Variants in EMILIN2 observed in about 807,000 individuals in gnomAD.
EMILIN2 encodes elastin microfibril interfacer 2.
EMILIN2 carries 71 observed loss-of-function variants against 87.1 expected under a neutral mutation model. The observed-to-expected ratio is 0.82, with a 90% CI of 0.67 to 0.99. The LOEUF is 0.99. Among genes scored for constraint, EMILIN2 ranks in the 50% least tolerant of loss-of-function variants. EMILIN2 has a pLI of 0.00. For synonymous variants in EMILIN2, 581 were observed against 563.4 expected (o/e 1.03, Z -0.44); for missense variants, 1,407 against 1,371.8 (o/e 1.03, Z -0.40).
intron 3 of EMILIN2, among the ~76,000 whole-genome samples, chr18:2,886,233 A>G (rs1435185530): frequency 6.6e-6 from 1 of 152,240 alleles, no homozygotes. Context: ...CCCTGACTTC[A>G]TGGAAGGCAG....
At chr18:2,888,499 A>G (rs1392214250) in intron 3 of EMILIN2, among the ~76,000 whole-genome samples, 2 of 152,040 alleles carry the variant, frequency 1.3e-5, no homozygotes, top group African/African-American at 4.8e-5. Flanking sequence ...GTGGATCACA[A>G]GGTCAGGAGA....
At chr18:2,852,027 G>T (rs2076604192) in intron 2 of EMILIN2, among the ~76,000 whole-genome samples, 1 of 152,174 alleles carries the variant, frequency 6.6e-6, no homozygotes, top group African/African-American at 2.4e-5. Flanking sequence ...AATGCAGAAT[G>T]TGCCTGTTTG....
rs1237015176 is a variant in EMILIN2 at position 2,858,581 on chromosome 18, GTGTATA to G, written c.257+10652_257+10657del. On this transcript the variant is annotated intron_variant, in intron 2 of 7. Coordinates refer to ENST00000254528, the MANE Select transcript of EMILIN2 (RefSeq NM_032048.3). ...TATATATATATATATGTGTGTGTGT[GTGTATA>G]TATATATATATATATGTGTATATAT... 6.1e-3 allele frequency among the ~76,000 whole-genome samples: 395 copies of G among 64,792 alleles called. 47 individuals are homozygous for G. Among genetic ancestry groups the G allele is most frequent in the African/African-American group, 0.034 (362 of 10,690 alleles). The allele number at this position is 64,792 out of a possible 152,430, so 42.5% of individuals were successfully genotyped here.
chr18:2,866,488 ACTTTTGGTGTATACG>A (rs1337973153), intron 2 of EMILIN2, among the ~76,000 whole-genome samples: 2 of 152,168 alleles, frequency 1.3e-5, no homozygotes, highest in African/African-American at 4.8e-5. Flanking sequence ...CAGCTTGGTC[ACTTTTGGTGTATACG>A]CTTTTGGTGT....
In EMILIN2 at chr18:2,848,151, C is replaced by T. The variant is rs1469012002; in HGVS notation, c.257+220C>T. Among the ~76,000 whole-genome samples, 1 of 152,204 alleles carries T rather than the reference C, an allele frequency of 6.6e-6. No homozygotes were observed. On this transcript the variant is annotated intron_variant, in intron 2 of 7. Coordinates refer to ENST00000254528, the MANE Select transcript of EMILIN2 (RefSeq NM_032048.3). This position sits in a 1 kb window ranked among gnomAD's most constrained non-coding sequence, Gnocchi z 4.1. The stretch of plus-strand genomic sequence containing the variant: ...CGAGTGAGTGGGGAGGATGCGCGCG[C>T]CTCGGGAGTGTGGGGTCGCGGGGGC...
chr18:2,853,993 T>A (rs2076614445), intron 2 of EMILIN2, among the ~76,000 whole-genome samples: 1 of 152,166 alleles, frequency 6.6e-6, no homozygotes, highest in South Asian at 2.1e-4. Context: ...CTCAGCCTGA[T>A]GGTTTTAGTA....
In EMILIN2 at chr18:2,913,558, T is replaced by C. The variant is rs1461678807; in HGVS notation, c.*154T>C. The C allele has an allele frequency of 1.6e-6, 1 of 620,544 alleles. No homozygotes were observed. The highest frequency in any genetic ancestry group is 2.7e-6 in the Non-Finnish European group (1 of 364,598). The allele number at this position is 620,544 out of a possible 1,614,324, so 38.4% of individuals were successfully genotyped here. ...CCTCGCTGTTGAGGCCACCATGCCTTACTGCATCCAGCCAGGCTGCAGGGA... is the reference window on the plus strand; with the variant it reads ...CCTCGCTGTTGAGGCCACCATGCCTCACTGCATCCAGCCAGGCTGCAGGGA... On this transcript the variant is annotated 3_prime_UTR_variant, in exon 8 of 8. Transcript: ENST00000254528.
chr18:2,909,534 C>G (rs2076931027), intron 6 of EMILIN2, among the ~76,000 whole-genome samples, 157 bp from the exon 7 acceptor site: 1 of 152,232 alleles, frequency 6.6e-6, no homozygotes, highest in Non-Finnish European at 1.5e-5. Context: ...ACAGGGAACC[C>G]TCTGGCTGTT....
At chr18:2,895,185 C>T (rs1424031890) in intron 4 of EMILIN2, among the ~76,000 whole-genome samples, 1 of 151,864 alleles carries the variant, frequency 6.6e-6, no homozygotes. Flanking sequence ...GCATGAGCCA[C>T]CTTGAGTGTT....
chr18:2,913,639 TGG>T lies in EMILIN2; in HGVS notation c.*236_*237del. The T allele has an allele frequency of 2.1e-6, 1 of 483,974 alleles. No individual in the cohort carries two copies. Among genetic ancestry groups the T allele is most frequent in the Non-Finnish European group, 3.7e-6 (1 of 273,452 alleles). 30.0% of individuals were successfully genotyped at this position (483,974 alleles called of 1,614,324 possible). ...TTTTCTGCCACTCTAACTGGACAAC[TGG>T]AAGACTTGGAAAGGCCTCCACCTGT... On this transcript the variant is annotated 3_prime_UTR_variant, in exon 8 of 8. Coordinates refer to ENST00000254528, the MANE Select transcript of EMILIN2 (RefSeq NM_032048.3).
intron 2 of EMILIN2, among the ~76,000 whole-genome samples, chr18:2,877,190 A>G (rs981430843): frequency 6.6e-6 from 1 of 152,218 alleles, no homozygotes; most frequent in African/African-American, 2.4e-5. Flanking sequence ...ATAGATGCAC[A>G]TGGTTTCAAA....
At chr18:2,850,103 T>A (rs1324735359) in intron 2 of EMILIN2, among the ~76,000 whole-genome samples, 1 of 149,866 alleles carries the variant, frequency 6.7e-6, no homozygotes, top group Non-Finnish European at 1.5e-5. Context: ...ATTTTTTTTT[T>A]TTTTTTTTTT....
At chr18:2,846,902 G>A (rs1391555332), upstream of EMILIN2, 2 of 989,190 alleles carry the variant, frequency 2.0e-6, no homozygotes, top group Non-Finnish European at 1.2e-6. The surrounding 1 kb of genome is among the most constrained non-coding windows in gnomAD (Gnocchi z 5.3). Flanking sequence ...TTGGTGGGGG[G>A]AGAGTCACGT....
rs187647881 is a variant in EMILIN2 at position 2,888,439 on chromosome 18, G to A, written c.434-2122G>A. Among the ~76,000 whole-genome samples the A allele has an allele frequency of 4.8e-3, 728 of 152,104 alleles. 4 individuals carry two copies. Among genetic ancestry groups the A allele is most frequent in the Middle Eastern group, 0.041 (12 of 294 alleles). ...GTGTCTTAAGAGAGAATAACGGCCGGGCGCGGTGGCTCACGTCTGTAATCC... is the reference window on the plus strand; with the variant it reads ...GTGTCTTAAGAGAGAATAACGGCCGAGCGCGGTGGCTCACGTCTGTAATCC... On this transcript the variant is annotated intron_variant, in intron 3 of 7. Coordinates refer to ENST00000254528, the MANE Select transcript of EMILIN2 (RefSeq NM_032048.3).
intron 2 of EMILIN2, among the ~76,000 whole-genome samples, chr18:2,868,524 G>C (rs1018021053): frequency 1.3e-5 from 2 of 152,266 alleles, no homozygotes; most frequent in East Asian, 1.9e-4. Flanking sequence ...CTGAGTGAAC[G>C]AGGCTCCCTC....
intron 2 of EMILIN2, among the ~76,000 whole-genome samples, chr18:2,852,044 T>C (rs1050414207): frequency 2.6e-5 from 4 of 152,202 alleles, no homozygotes; most frequent in Non-Finnish European, 4.4e-5. Context: ...TTTGTTTGTC[T>C]TAGTGTGTGC....
chr18:2,885,475 T>C (rs9953090), intron 3 of EMILIN2, among the ~76,000 whole-genome samples: 19,879 of 152,276 alleles, frequency 0.13, 1,492 homozygotes, highest in South Asian at 0.3. Context: ...TGTTTGTTTT[T>C]ACTTGGGCCC....
At position 2,899,108 on chromosome 18, in the gene EMILIN2, C is replaced by G. The variant is rs527659420; in HGVS notation, c.2359+6622C>G. 3.3e-5 allele frequency among the ~76,000 whole-genome samples: 5 copies of G among 152,236 alleles called. No individual in the cohort carries two copies. The South Asian group carries it at 1.0e-3, about 32-fold the overall frequency. ...AAAAAAACAAAAACAAAAAACTCCT[C>G]GGCTCACTCAGGAGATCGCTGCTCA... On this transcript the variant is annotated intron_variant, in intron 4 of 7. Transcript: ENST00000254528.
intron 3 of EMILIN2, among the ~76,000 whole-genome samples, chr18:2,889,133 C>CT (rs772439545): frequency 0.016 from 1,378 of 84,298 alleles, 80 homozygotes; most frequent in African/African-American, 0.052. Context: ...TCTTTCTTTT[C>CT]TTTTTTTTTT....
Sources: gnomAD v4.1 joint callset for allele counts (sites outside exome capture counted in the v4.1 genomes callset) on GRCh38, gnomAD v4.1.1 for gene constraint, Gnocchi (gnomAD v3.1) non-coding constraint, MANE v1.5 for transcripts, NCBI Gene and HGNC (gene_info 2026-07-23, HGNC 2026-07-21) for gene names.